QTGAL: variants seen among roughly 807,000 people sequenced by gnomAD.
The protein encoded by QTGAL is BGnT-like protein 1.
chr17:82,965,544 G>T, the QTGAL span: 2 of 1,138,100 alleles, frequency 1.8e-6, no homozygotes, highest in Non-Finnish European at 2.5e-6. Flanking sequence ...AATCTGCAGA[G>T]CCCCGGAGGC....
chr17:83,035,350 T>G, the QTGAL span, among the ~76,000 whole-genome samples: 260 of 152,226 alleles, frequency 1.7e-3, no homozygotes, highest in Non-Finnish European at 2.1e-3. Context: ...TGGCGAATTT[T>G]GTATTTGGGG....
the QTGAL span, among the ~76,000 whole-genome samples, chr17:83,018,941 G>A: frequency 6.6e-6 from 1 of 152,334 alleles, no homozygotes; most frequent in Non-Finnish European, 1.5e-5. Context: ...GGACATGGGA[G>A]TGGCACTCAC....
At chr17:83,014,550 T>C in the QTGAL span, 15 of 1,612,048 alleles carry the variant, frequency 9.3e-6, no homozygotes, top group Admixed American at 1.7e-5. Context: ...TCCGTTTGTT[T>C]GTTTGCATTG....
the QTGAL span, among the ~76,000 whole-genome samples, chr17:82,959,003 T>TGTGTGTGTGTGTAC: frequency 1.1e-4 from 5 of 44,486 alleles, no homozygotes; most frequent in South Asian, 1.6e-3. Context: ...TGTGTGTGTA[T>TGTGTGTGTGTGTAC]ACTGTGTGGG....
chr17:82,972,654 CACTCAT>C, the QTGAL span, among the ~76,000 whole-genome samples: 12 of 126,338 alleles, frequency 9.5e-5, no homozygotes, highest in East Asian at 7.6e-4. Context: ...CACCACACCA[CACTCAT>C]AGGGGCCAGA....
the QTGAL span, among the ~76,000 whole-genome samples, chr17:83,028,663 C>T: frequency 6.6e-6 from 1 of 152,258 alleles, no homozygotes; most frequent in African/African-American, 2.4e-5. Context: ...CCGCAGAGCC[C>T]ACACTCTGCT....
the QTGAL span, among the ~76,000 whole-genome samples, chr17:82,996,352 CT>C: frequency 2.4e-4 from 37 of 151,882 alleles, no homozygotes; most frequent in Non-Finnish European, 4.4e-4. Flanking sequence ...GTGAAACCCC[CT>C]CTCCATTAAA....
chr17:82,942,698 C>A, the QTGAL span: 1 of 604,104 alleles, frequency 1.7e-6, no homozygotes, highest in Non-Finnish European at 2.9e-6. Context: ...AAATCATGTA[C>A]CAAGAAGTTC....
chr17:82,946,569 A>AGTGTGTGTGTGTGTGTGTGTGTGTGTGT, the QTGAL span, among the ~76,000 whole-genome samples: 2,686 of 150,242 alleles, frequency 0.018, 39 homozygotes, highest in South Asian at 0.053. Flanking sequence ...ACAGAACCCA[A>AGTGTGTGTGTGTGTGTGTGTGTGTGTGT]GTGTGTGTGT....
chr17:82,966,213 G>C, the QTGAL span, among the ~76,000 whole-genome samples: 1 of 151,652 alleles, frequency 6.6e-6, no homozygotes, highest in African/African-American at 2.4e-5. Context: ...CACCGTGCCT[G>C]GCTATTTTCT....
the QTGAL span, chr17:83,005,468 C>A: frequency 1.6e-6 from 1 of 642,234 alleles, no homozygotes; most frequent in South Asian, 1.8e-5. This position sits in a 1 kb window ranked among gnomAD's most constrained non-coding sequence, Gnocchi z 5.6. Context: ...CGGTGAACCA[C>A]AGAGCTGCCC....
chr17:83,046,296 A>AT, the QTGAL span, among the ~76,000 whole-genome samples: 18,984 of 149,164 alleles, frequency 0.13, 1,324 homozygotes, highest in South Asian at 0.23. Flanking sequence ...CACCTGGCTA[A>AT]TTTTTTTTTG....
At chr17:82,963,263 C>A in the QTGAL span, among the ~76,000 whole-genome samples, 2 of 152,106 alleles carry the variant, frequency 1.3e-5, no homozygotes, top group African/African-American at 4.8e-5. Flanking sequence ...CAAAAGGAAG[C>A]CGAGTCAGGG....
chr17:83,034,998 C>T, the QTGAL span: 2 of 1,459,702 alleles, frequency 1.4e-6, no homozygotes, highest in South Asian at 2.4e-5. Flanking sequence ...CCAACATGTA[C>T]ACATTTATAC....
the QTGAL span, among the ~76,000 whole-genome samples, chr17:82,965,176 C>CAA: frequency 7.8e-6 from 1 of 127,602 alleles, no homozygotes. Context: ...GATGGGGACA[C>CAA]AGACGCCTGC....
the QTGAL span, among the ~76,000 whole-genome samples, chr17:82,951,547 C>T: frequency 6.6e-6 from 1 of 152,180 alleles, no homozygotes; most frequent in African/African-American, 2.4e-5. Context: ...ACTGGAGGAC[C>T]ACTTTTAATT....
the QTGAL span, among the ~76,000 whole-genome samples, chr17:83,013,439 C>G: frequency 7.8e-6 from 1 of 128,566 alleles, no homozygotes; most frequent in Non-Finnish European, 1.7e-5. Context: ...CCTTTCCCCC[C>G]TCCCAACCCC....
At chr17:83,004,817 G>A in the QTGAL span, among the ~76,000 whole-genome samples, 1 of 152,104 alleles carries the variant, frequency 6.6e-6, no homozygotes, top group Non-Finnish European at 1.5e-5. Context: ...CGGTCTGCGT[G>A]TGGGATTACT....
At chr17:83,006,080 G>A in the QTGAL span, 330 of 999,624 alleles carry the variant, frequency 3.3e-4, 1 homozygote, top group African/African-American at 4.8e-3. This position sits in a 1 kb window ranked among gnomAD's most constrained non-coding sequence, Gnocchi z 5.8. Context: ...AGAGCCTCCC[G>A]AGTAGACGTT....
Sources: gnomAD v4.1 joint callset for allele counts (sites outside exome capture counted in the v4.1 genomes callset) on GRCh38, gnomAD v4.1.1 for gene constraint, Gnocchi (gnomAD v3.1) non-coding constraint, MANE v1.5 for transcripts, NCBI Gene and HGNC (gene_info 2026-07-23, HGNC 2026-07-21) for gene names.